The following AMY2B variants were observed in gnomAD, a reference collection of about 807,000 sequenced individuals.
AMY2B encodes the protein amylase alpha 2B, also known as alpha-amylase 2B.
In AMY2B, 63 loss-of-function variants were observed where a neutral mutation model predicts 59.3. The ratio of observed to expected loss-of-function variants is 1.06; its 90% confidence interval spans 0.87 to 1.31. The LOEUF (loss-of-function observed/expected upper bound fraction) is 1.31. AMY2B is among the 50% of genes most tolerant of loss of function. The probability of loss-of-function intolerance (pLI) is 0.00; values close to 1 mark genes in which losing one functional copy is unlikely to be tolerated. For missense variants in AMY2B, 635 were observed against 626.7 expected, an observed-to-expected ratio of 1.01 and a Z score of -0.14; for synonymous variants, 180 against 198.1, an observed-to-expected ratio of 0.91 and a Z score of 0.77.
At chr1:103,577,003 G>C (rs1233027395) in intron 7 of AMY2B, among the ~76,000 whole-genome samples, 1 of 152,208 alleles carries the variant, frequency 6.6e-6, no homozygotes, top group Non-Finnish European at 1.5e-5. Context: ...GGCGAGTCCA[G>C]GCGAGAAGAT....
intron 7 of AMY2B, 63 bp downstream of exon 7, chr1:103,575,603 C>CA: frequency 6.3e-7 from 1 of 1,590,394 alleles, no homozygotes; most frequent in Non-Finnish European, 8.6e-7. Flanking sequence ...CTTGTTCTAA[C>CA]TTAATATGAC....
intron 1 of AMY2B, chr1:103,561,745 CAG>C (rs748169721): frequency 5.3e-5 from 8 of 151,748 alleles, no homozygotes; most frequent in Non-Finnish European, 8.8e-5. Flanking sequence ...GGAAGGAAGA[CAG>C]AAAGCAGACG....
chr1:103,575,374 A>T, intron 6 of AMY2B, 29 bp downstream of exon 6: 1 of 1,612,776 alleles, frequency 6.2e-7, no homozygotes, highest in Non-Finnish European at 8.5e-7. Flanking sequence ...TATTTTTTTT[A>T]ACACATCTTT....
intron 1 of AMY2B, among the ~76,000 whole-genome samples, chr1:103,564,696 G>C (rs1189502886): frequency 6.6e-6 from 1 of 152,038 alleles, no homozygotes; most frequent in Non-Finnish European, 1.5e-5. Context: ...CATCTGTTCT[G>C]TTCAGTGTCT....
chr1:103,570,200 G>A (rs955556278), upstream of AMY2B: 8 of 498,258 alleles, frequency 1.6e-5, no homozygotes, highest in African/African-American at 1.6e-4. Context: ...GAGAAACTGT[G>A]CTATGTTGCC....
chr1:103,558,960 A>G (rs1201370216), intron 1 of AMY2B, among the ~76,000 whole-genome samples: 1 of 152,156 alleles, frequency 6.6e-6, no homozygotes, highest in African/African-American at 2.4e-5. Context: ...AAGTTTTGAC[A>G]TGGCATTTAC....
chr1:103,564,666 T>C (rs1410286491), intron 1 of AMY2B, among the ~76,000 whole-genome samples: 3 of 152,144 alleles, frequency 2.0e-5, no homozygotes, highest in African/African-American at 7.2e-5. Context: ...GCCCTCTGTA[T>C]AGTAGTTGCT....
chr1:103,577,660 T>C (rs1557772265), intron 8 of AMY2B, 52 bp downstream of exon 8: 1 of 1,611,910 alleles, frequency 6.2e-7, no homozygotes, highest in Middle Eastern at 2.3e-4. Flanking sequence ...TCCATTGCAT[T>C]TTATTTAAAA....
intron 2 of AMY2B, 91 bp downstream of exon 2, chr1:103,572,347 A>G (rs1652169436): frequency 2.6e-6 from 4 of 1,531,274 alleles, no homozygotes; most frequent in East Asian, 4.6e-5. Context: ...AAAGTTTTCC[A>G]TATTTTATTT....
chr1:103,566,836 T>C (rs1442918997), upstream of AMY2B, among the ~76,000 whole-genome samples: 1 of 152,138 alleles, frequency 6.6e-6, no homozygotes, highest in Non-Finnish European at 1.5e-5. Flanking sequence ...ATTTCTAATA[T>C]AGAGTTCATT....
upstream of AMY2B, among the ~76,000 whole-genome samples, chr1:103,567,144 A>C (rs552549019): frequency 6.6e-6 from 1 of 152,264 alleles, no homozygotes; most frequent in East Asian, 1.9e-4. Flanking sequence ...TGAGAATATG[A>C]GGGTAAGCTT....
intron 2 of AMY2B, among the ~76,000 whole-genome samples, chr1:103,566,441 T>C (rs184709334): frequency 6.6e-6 from 1 of 152,330 alleles, no homozygotes; most frequent in Non-Finnish European, 1.5e-5. Context: ...AAATTAATAT[T>C]AATGGTAAAT....
upstream of AMY2B, among the ~76,000 whole-genome samples, chr1:103,566,974 G>A (rs1330856748): frequency 6.6e-6 from 1 of 152,044 alleles, no homozygotes; most frequent in Non-Finnish European, 1.5e-5. Context: ...ATTTTACTAG[G>A]ATTTGGAAAT....
chr1:103,571,496 C>G (rs2101071857), upstream of AMY2B: 1 of 1,570,618 alleles, frequency 6.4e-7, no homozygotes, highest in Non-Finnish European at 8.7e-7. Context: ...TATGAGTAAA[C>G]AGTTTGCCCT....
At chr1:103,559,489 T>C (rs764673486) in intron 1 of AMY2B, among the ~76,000 whole-genome samples, 1 of 152,184 alleles carries the variant, frequency 6.6e-6, no homozygotes, top group Non-Finnish European at 1.5e-5. Flanking sequence ...AATACAGGCA[T>C]ACCTTTGGCA....
At position 103,571,806 on chromosome 1, in the gene AMY2B, C is replaced by T. The variant is rs749753375; in HGVS notation, c.168+36C>T. On this transcript the variant is annotated intron_variant, in intron 1 of 9. Transcript: ENST00000684275. ...TTCATAGTATCAATTGCAGAATTCACTATGCTTGTAGTAAATAGTATTCTG... is the reference window on the plus strand; with the variant it reads ...TTCATAGTATCAATTGCAGAATTCATTATGCTTGTAGTAAATAGTATTCTG... 6.8e-6 allele frequency: 11 copies of T among 1,611,806 alleles called. No homozygotes were observed. The South Asian group carries it at 1.2e-4, about 18-fold the overall frequency.
At chr1:103,575,109 G>A (rs1166327057) in intron 5 of AMY2B, 114 bp from the exon 6 acceptor site, 2 of 1,449,090 alleles carry the variant, frequency 1.4e-6, no homozygotes, top group African/African-American at 2.8e-5. Context: ...CATTTAATTA[G>A]AGAAAGAATT....
chr1:103,566,388 G>T (rs538400470), intron 2 of AMY2B, among the ~76,000 whole-genome samples: 3 of 152,004 alleles, frequency 2.0e-5, no homozygotes, highest in South Asian at 2.1e-4. Context: ...GTAATTTAAC[G>T]TATTTTACTA....
rs1186026558 is a variant in AMY2B, at chr1:103,574,348, GCA to G, written c.836_837del (p.Thr279SerfsTer26). ...GAATTCAAGTATGGTGCAAAACTCG[GCA>G]CAGTTATTCGCAAGTGGAATGGAGA... On this transcript the variant is annotated frameshift_variant, in exon 5 of 10. Transcript: ENST00000684275. LOFTEE classifies it high-confidence loss of function. 1 of 1,611,528 alleles carries G rather than the reference GCA, an allele frequency of 6.2e-7. No homozygotes were observed. The highest frequency in any genetic ancestry group is 2.2e-5 in the East Asian group (1 of 44,844).
Sources: allele counts gnomAD v4.1 joint callset (sites outside exome capture counted in the v4.1 genomes callset), GRCh38; gene constraint gnomAD v4.1.1; transcripts MANE v1.5; gene names NCBI Gene and HGNC (gene_info 2026-07-23, HGNC 2026-07-21).